DMKN: variants seen among roughly 807,000 people sequenced by gnomAD.
DMKN encodes epidermis-specific secreted protein SK30/SK89.
DMKN carries 58 observed loss-of-function variants against 67.6 expected under a neutral mutation model. That is an observed-to-expected ratio of 0.86 (90% CI 0.69 to 1.07). DMKN has a LOEUF of 1.07. DMKN is among the 50% of genes least tolerant of loss of function. The pLI is 0.00. For missense variants in DMKN, 596 were observed against 601.5 expected (o/e 0.99, Z 0.10); for synonymous variants, 240 against 232.3 (o/e 1.03, Z -0.30).
intron 9 of DMKN, among the ~76,000 whole-genome samples, chr19:35,504,090 C>T (rs1289118963): frequency 6.6e-6 from 1 of 152,156 alleles, no homozygotes; most frequent in African/African-American, 2.4e-5. Flanking sequence ...AGATCTGCCC[C>T]TTGAGGAGCT....
At position 35,513,280 on chromosome 19, in the gene DMKN, T is replaced by A; in HGVS notation, c.196A>T (p.Lys66Ter). The change falls in exon 1 of 16, where the codon AAA becomes TAA. Residue 66 changes from lysine to a stop codon, truncating the protein, a stop_gained. Coordinates refer to ENST00000339686, the MANE Select transcript of DMKN (RefSeq NM_033317.5). LOFTEE classifies it high-confidence loss of function. ...GKEAGGAAGSKVSEALGQGTR... is the reference protein window; with the variant it reads ...GKEAGGAAGS Reference sequence around the variant, plus strand: ...CCTTGGCCAAGGGCCTCACTGACTTTAGAGCCAGCTGCCCCTCCGGCCTCT... The same window carrying A: ...CCTTGGCCAAGGGCCTCACTGACTTAAGAGCCAGCTGCCCCTCCGGCCTCT... 6.2e-7 allele frequency: 1 copy of A among 1,613,926 alleles called. No homozygotes were observed. Among genetic ancestry groups the A allele is most frequent in the East Asian group, 2.2e-5 (1 of 44,868 alleles).
At chr19:35,502,061 C>G in intron 11 of DMKN, 75 bp downstream of exon 11, 2 of 1,608,782 alleles carry the variant, frequency 1.2e-6, no homozygotes, top group South Asian at 2.2e-5. Flanking sequence ...GAAACTGGGA[C>G]AGACACCTGG....
chr19:35,509,835 T>G, intron 7 of DMKN, 76 bp downstream of exon 7: 1 of 1,543,104 alleles, frequency 6.5e-7, no homozygotes, highest in Non-Finnish European at 8.9e-7. Flanking sequence ...TTGAGCAGAG[T>G]TGAGTTAGGA....
At chr19:35,502,704 CAA>C (rs56149700) in intron 10 of DMKN, 124 bp downstream of exon 10, 452 of 769,830 alleles carry the variant, frequency 5.9e-4, no homozygotes, top group Middle Eastern at 7.9e-4. Flanking sequence ...GACTCTGTCT[CAA>C]AAAAAAAAAG....
chr19:35,500,575 C>T lies in DMKN; in HGVS notation c.1245G>A (p.Ala415=), dbSNP rs374771845. ...CACGTTTCTGCAGTGATGACGCGTC[C>T]GCACCCTGAAAGGAAGAAGGGGCCA... is the stretch of plus-strand genomic sequence containing the variant. ...FLNWKAIIEG[A]DASSLQKRAG... The change falls in exon 12 of 16, where the codon GCG becomes GCA. Residue 415 remains alanine (A), a synonymous_variant. Coordinates refer to ENST00000339686, the MANE Select transcript of DMKN (RefSeq NM_033317.5). 79 of 1,607,748 alleles carry T rather than the reference C, an allele frequency of 4.9e-5. No homozygotes were observed. The highest frequency in any genetic ancestry group is 1.7e-4 in the Middle Eastern group (1 of 5,958).
chr19:35,512,869 A>G, intron 1 of DMKN, 79 bp from the exon 2 acceptor site: 2 of 1,539,422 alleles, frequency 1.3e-6, no homozygotes, highest in South Asian at 2.4e-5. Context: ...TCATAAAGAG[A>G]CCAGGAGAGA....
chr19:35,510,083 C>G, intron 6 of DMKN, 101 bp downstream of exon 6: 1 of 1,569,728 alleles, frequency 6.4e-7, no homozygotes, highest in Non-Finnish European at 8.7e-7. Context: ...GGCCATCCAG[C>G]CCCATCTCCG....
At position 35,512,427 on chromosome 19, in the gene DMKN, A is replaced by G. The variant is rs372670276; in HGVS notation, c.678T>C (p.Asn226=). 6.2e-7 allele frequency: 1 copy of G among 1,613,790 alleles called. No homozygotes were observed. The highest frequency in any genetic ancestry group is 8.5e-7 in the Non-Finnish European group (1 of 1,179,936). ...CCCAGCCCCTTCCTCTTACCCCTTC[A>G]TTCTGGTTGCTGGCTCTCACTGAAC... is the stretch of plus-strand genomic sequence containing the variant. ...GYGSVRASNQ[N]EGCTNPPPSG... Residue 226 remains asparagine (N), a synonymous_variant, in exon 3 of 16, where the codon AAT becomes AAC. Transcript: ENST00000339686.
At position 35,507,157 on chromosome 19, in the gene DMKN, T is replaced by G. The variant is rs549891150; in HGVS notation, c.1039-1171A>C. On this transcript the variant is annotated intron_variant, in intron 7 of 15. Transcript: ENST00000339686. ...ACCTCAAAGCTCAGTGACTTTCTCC[T>G]TCTCAACACTGCCTCCCTAAGTATG... 225 of 265,090 alleles carry G rather than the reference T, an allele frequency of 8.5e-4. 1 individual carries two copies. The Middle Eastern group carries it at 0.015, about 18-fold the overall frequency. The allele number at this position is 265,090 out of a possible 1,614,324, so 16.4% of individuals were successfully genotyped here. A position where few individuals can be genotyped will look rare whatever the true frequency, so the allele number is the denominator to read the frequency against.
intron 12 of DMKN, 194 bp downstream of exon 12, chr19:35,500,339 C>T: frequency 6.5e-7 from 1 of 1,546,128 alleles, no homozygotes; most frequent in Non-Finnish European, 8.8e-7. Context: ...AAAAGAAGTG[C>T]CAGGACGTAA....
At chr19:35,511,615 G>A (rs2070838490) in intron 4 of DMKN, 22 bp from the exon 5 acceptor site, 2 of 1,610,238 alleles carry the variant, frequency 1.2e-6, no homozygotes, top group African/African-American at 1.3e-5. Flanking sequence ...GAAGGGAGCA[G>A]GGCTGGGATT....
chr19:35,502,283 CT>C, intron 10 of DMKN, 100 bp from the exon 11 acceptor site: 1 of 1,224,018 alleles, frequency 8.2e-7, no homozygotes, highest in Non-Finnish European at 1.2e-6. Context: ...TAGGAAGGAG[CT>C]TTTGGGTGTG....
rs764267042 is a variant in DMKN, at chr19:35,498,896, C to G, written c.1361G>C (p.Gly454Ala). 10 of 1,614,132 alleles carry G rather than the reference C, an allele frequency of 6.2e-6. No homozygotes were observed. The South Asian group carries it at 7.7e-5, about 12-fold the overall frequency. The change falls in exon 14 of 16, where the codon GGG (glycine) becomes GCG (alanine). Residue 454 changes from glycine to alanine, a missense_variant and splice_region_variant. Physicochemically the swap from Gly to Ala is moderately conservative, Grantham distance 60. Transcript: ENST00000339686. ...CACCGAGGAAGAAGGTGAGACTCCC[C>G]CCTGCAAAAAGATCAAAGGAAAGTG... ...GKYSVKTPAK[G>A]GVSPSSSASR... is the part of the protein sequence containing the mutation.
chr19:35,502,779 G>C (rs371628447), intron 10 of DMKN, 51 bp downstream of exon 10: 61 of 1,599,656 alleles, frequency 3.8e-5, no homozygotes, highest in Admixed American at 2.0e-4. Context: ...GGCTTGGGGA[G>C]AGTCAGGAGG....
chr19:35,510,118 C>A, intron 6 of DMKN, 66 bp downstream of exon 6: 1 of 1,564,502 alleles, frequency 6.4e-7, no homozygotes, highest in Non-Finnish European at 8.7e-7. Flanking sequence ...CCCGATCCTG[C>A]GAGTGAAACC....
At chr19:35,500,722 GC>G in intron 11 of DMKN, 142 bp from the exon 12 acceptor site, 1 of 921,000 alleles carries the variant, frequency 1.1e-6, no homozygotes, top group Non-Finnish European at 1.6e-6. Context: ...GGAGCTGATG[GC>G]CCAGATAGAT....
At chr19:35,498,979 A>T (rs923483447) in intron 13 of DMKN, 82 bp from the exon 14 acceptor site, 14 of 1,603,910 alleles carry the variant, frequency 8.7e-6, no homozygotes, top group African/African-American at 5.4e-5. Flanking sequence ...TGAAGGGCCC[A>T]GCAGCAAGGG....
intron 10 of DMKN, 103 bp from the exon 11 acceptor site, chr19:35,502,286 T>C: frequency 8.5e-7 from 1 of 1,180,744 alleles, no homozygotes; most frequent in South Asian, 1.2e-5. Flanking sequence ...GAAGGAGCTT[T>C]TGGGTGTGGC....
At chr19:35,511,648 C>T (rs1283676091) in intron 4 of DMKN, 55 bp from the exon 5 acceptor site, 1 of 1,595,118 alleles carries the variant, frequency 6.3e-7, no homozygotes, top group East Asian at 2.2e-5. Flanking sequence ...CCAAGACGGG[C>T]CCCTCCTCCC....
Sources: allele counts gnomAD v4.1 joint callset (sites outside exome capture counted in the v4.1 genomes callset), GRCh38; gene constraint gnomAD v4.1.1; transcripts MANE v1.5; gene names NCBI Gene and HGNC (gene_info 2026-07-23, HGNC 2026-07-21).